Variants in CTNND2 observed in about 807,000 individuals in gnomAD.
The protein encoded by CTNND2 is catenin delta 2.
In CTNND2, 22 loss-of-function variants were observed where a neutral mutation model predicts 144.4. The ratio of observed to expected loss-of-function variants is 0.15; its 90% CI spans 0.11 to 0.22. The LOEUF is 0.22. CTNND2 is among the 10% of genes least tolerant of loss of function. The pLI is 1.00. For missense variants in CTNND2, 1,353 were observed against 1,618.8 expected (o/e 0.84, Z 2.82); for synonymous variants, 751 against 695.6 (o/e 1.08, Z -1.25).
intron 1 of CTNND2, among the ~76,000 whole-genome samples, chr5:11,829,504 T>C (rs1793777669): frequency 6.6e-6 from 1 of 152,202 alleles, no homozygotes; most frequent in Non-Finnish European, 1.5e-5. Context: ...GCTCAGGCCA[T>C]GGCTTCACAG....
chr5:11,279,315 A>G (rs1037867565), intron 9 of CTNND2, among the ~76,000 whole-genome samples: 2 of 152,192 alleles, frequency 1.3e-5, no homozygotes, highest in African/African-American at 4.8e-5. Flanking sequence ...CAGCAGCTCA[A>G]TTAATGGCAA....
In CTNND2 at chr5:11,091,959, T is replaced by C. The variant is rs376631532; in HGVS notation, c.2637+6616A>G. Among the ~76,000 whole-genome samples, 4 of 152,342 alleles carry C rather than the reference T, an allele frequency of 2.6e-5. No individual in the cohort carries two copies. The South Asian group carries it at 6.2e-4, about 24-fold the overall frequency. ...CTATGTGTGGCTCTCTCCTCTTTGATATTTTGTCCTATGAACTCTGATCAC... is the reference window on the plus strand; with the variant it reads ...CTATGTGTGGCTCTCTCCTCTTTGACATTTTGTCCTATGAACTCTGATCAC... On this transcript the variant is annotated intron_variant, in intron 15 of 21. Coordinates refer to ENST00000304623, the MANE Select transcript of CTNND2 (RefSeq NM_001332.4).
intron 1 of CTNND2, among the ~76,000 whole-genome samples, chr5:11,747,780 C>A (rs528673554): frequency 6.6e-6 from 1 of 152,240 alleles, no homozygotes; most frequent in Non-Finnish European, 1.5e-5. Context: ...GAATTGCCAA[C>A]TTTGACTGTC....
At chr5:11,288,069 T>C (rs578068736) in intron 9 of CTNND2, among the ~76,000 whole-genome samples, 20 of 152,362 alleles carry the variant, frequency 1.3e-4, no homozygotes, top group African/African-American at 3.6e-4. Context: ...ATGACACTTA[T>C]ATAATTCAAT....
At chr5:11,891,554 T>C (rs1301642306) in intron 1 of CTNND2, among the ~76,000 whole-genome samples, 1 of 152,064 alleles carries the variant, frequency 6.6e-6, no homozygotes. Context: ...TAGTGTTAGA[T>C]TAGGTGATGG....
In CTNND2 at chr5:11,873,203, C is replaced by T. The variant is rs559619299; in HGVS notation, c.37+30614G>A. Among the ~76,000 whole-genome samples the T allele has an allele frequency of 3.9e-5, 6 of 151,996 alleles. No homozygotes were observed. The East Asian group carries it at 1.2e-3, about 29-fold the overall frequency. ...TCTGTCCAAAACCCGTATATAGTAA[C>T]AAAAAAAGCAAAAGGTAGTTCCAAG... is the stretch of plus-strand genomic sequence containing the variant. On this transcript the variant is annotated intron_variant, in intron 1 of 21. Coordinates refer to ENST00000304623, the MANE Select transcript of CTNND2 (RefSeq NM_001332.4).
At chr5:11,715,066 T>C (rs769442419) in intron 2 of CTNND2, among the ~76,000 whole-genome samples, 21 of 152,142 alleles carry the variant, frequency 1.4e-4, no homozygotes, top group Non-Finnish European at 2.6e-4. Context: ...TTTTGAGAGA[T>C]AGGGTTTCTG....
intron 2 of CTNND2, among the ~76,000 whole-genome samples, chr5:11,664,143 G>GT (rs1312381661): frequency 6.6e-6 from 1 of 152,098 alleles, no homozygotes; most frequent in Non-Finnish European, 1.5e-5. Context: ...ATATAAATTG[G>GT]TTGCTAACCT....
chr5:11,230,755 C>T (rs1203385621), intron 10 of CTNND2, among the ~76,000 whole-genome samples: 2 of 152,200 alleles, frequency 1.3e-5, no homozygotes, highest in Non-Finnish European at 2.9e-5. Flanking sequence ...CAGTCTGGCT[C>T]TGACTACTGC....
chr5:11,015,861 A>G (rs906129188), intron 18 of CTNND2, among the ~76,000 whole-genome samples: 1 of 152,184 alleles, frequency 6.6e-6, no homozygotes, highest in African/African-American at 2.4e-5. Flanking sequence ...TTCCTGGGCG[A>G]GACTTCATTT....
chr5:11,316,191 T>C (rs1314936423), intron 9 of CTNND2, among the ~76,000 whole-genome samples: 1 of 152,132 alleles, frequency 6.6e-6, no homozygotes, highest in Non-Finnish European at 1.5e-5. Context: ...ATTGAACAAT[T>C]ACTAGCCGCC....
chr5:11,222,363 G>A (rs779193140), intron 10 of CTNND2, among the ~76,000 whole-genome samples: 3 of 152,184 alleles, frequency 2.0e-5, no homozygotes, highest in African/African-American at 4.8e-5. Context: ...TCTGACTCAC[G>A]TCTGTTTTGC....
At chr5:11,182,105 AGTGTGTGTGTG>A (rs1385888437) in intron 11 of CTNND2, among the ~76,000 whole-genome samples, 1 of 42,188 alleles carries the variant, frequency 2.4e-5, no homozygotes, top group Non-Finnish European at 4.7e-5. Flanking sequence ...GTGTGGATGG[AGTGTGTGTGTG>A]GTGTGTGTGT....
rs545722193 is a variant in CTNND2, at chr5:11,467,291, C to T, written c.288-55222G>A. ...AAGCTCCGCTATGTGCTTGCTTCAT[C>T]TCTCCTCTTCCACTTCCTGCATGGT... On this transcript the variant is annotated intron_variant, in intron 3 of 21. Transcript: ENST00000304623. 2.0e-5 allele frequency among the ~76,000 whole-genome samples: 3 copies of T among 152,356 alleles called. No homozygotes were observed. In the East Asian group the frequency reaches 5.8e-4, roughly 29 times the overall value.
chr5:11,858,797 C>T (rs1048617021), intron 1 of CTNND2, among the ~76,000 whole-genome samples: 3 of 152,068 alleles, frequency 2.0e-5, no homozygotes, highest in Admixed American at 6.6e-5. Context: ...GGCATGGTGG[C>T]GGGTGCCTGT....
At chr5:11,510,798 G>A (rs1771565018) in intron 3 of CTNND2, among the ~76,000 whole-genome samples, 1 of 152,086 alleles carries the variant, frequency 6.6e-6, no homozygotes, top group Non-Finnish European at 1.5e-5. Flanking sequence ...GGGCATGGTG[G>A]CACATGCATG....
chr5:11,786,610 G>A (rs1790847932), intron 1 of CTNND2, among the ~76,000 whole-genome samples: 1 of 152,210 alleles, frequency 6.6e-6, no homozygotes. Flanking sequence ...CAAAGACAAT[G>A]TAAACCTATG....
chr5:11,458,019 T>G (rs964148544), intron 3 of CTNND2, among the ~76,000 whole-genome samples: 1 of 152,194 alleles, frequency 6.6e-6, no homozygotes, highest in African/African-American at 2.4e-5. Context: ...CATGTTTTCA[T>G]GACATGATAA....
At chr5:11,021,968 T>C (rs1742303490) in intron 17 of CTNND2, among the ~76,000 whole-genome samples, 1 of 152,194 alleles carries the variant, frequency 6.6e-6, no homozygotes, top group African/African-American at 2.4e-5. Flanking sequence ...AATTGACACC[T>C]TGCTGATATA....
Sources: gnomAD v4.1 joint callset for allele counts (sites outside exome capture counted in the v4.1 genomes callset) on GRCh38, gnomAD v4.1.1 for gene constraint, MANE v1.5 for transcripts, NCBI Gene and HGNC (gene_info 2026-07-23, HGNC 2026-07-21) for gene names.